ADAM12: variants seen among roughly 807,000 people sequenced by gnomAD.
ADAM12 encodes ADAM metallopeptidase domain 12, also known as disintegrin and metalloproteinase domain-containing protein 12.
In ADAM12, 70 loss-of-function variants were observed where a neutral mutation model predicts 106.4. The observed-to-expected ratio is 0.66, with a 90% CI of 0.54 to 0.80. The LOEUF (loss-of-function observed/expected upper bound fraction) is 0.80, where lower values mean the gene tolerates loss of function less well. Among genes scored for constraint, ADAM12 ranks in the 30% least tolerant of loss-of-function variants. ADAM12 has a pLI of 0.00. For missense variants in ADAM12, 1,010 were observed against 1,171.9 expected (o/e 0.86, Z 2.02); for synonymous variants, 420 against 433.5 (o/e 0.97, Z 0.39).
intron 3 of ADAM12, among the ~76,000 whole-genome samples, chr10:126,205,762 T>G (rs1438620204): frequency 6.6e-6 from 1 of 152,246 alleles, no homozygotes; most frequent in African/African-American, 2.4e-5. Flanking sequence ...TCATGACTCT[T>G]TAGTTCCAGA....
At chr10:126,311,722 A>T (rs1004033838) in intron 2 of ADAM12, among the ~76,000 whole-genome samples, 1 of 152,138 alleles carries the variant, frequency 6.6e-6, no homozygotes, top group African/African-American at 2.4e-5. Context: ...GAACACATCC[A>T]TGTGCCAGGA....
At chr10:126,384,542 G>A (rs1856594674) in intron 1 of ADAM12, among the ~76,000 whole-genome samples, 1 of 151,988 alleles carries the variant, frequency 6.6e-6, no homozygotes, top group South Asian at 2.1e-4. Flanking sequence ...AGTAACCCGT[G>A]AGTCACATTG....
intron 3 of ADAM12, among the ~76,000 whole-genome samples, chr10:126,177,014 G>C (rs1957230833): frequency 1.3e-5 from 2 of 150,828 alleles, no homozygotes; most frequent in Admixed American, 1.3e-4. Flanking sequence ...GCAGGAGTGT[G>C]CCAAAGTGTA....
At chr10:126,185,544 T>C (rs573191986) in intron 3 of ADAM12, among the ~76,000 whole-genome samples, 268 of 152,032 alleles carry the variant, frequency 1.8e-3, no homozygotes, top group African/African-American at 6.2e-3. Flanking sequence ...CCAATTGTGG[T>C]CTATTATATG....
chr10:126,322,856 T>C (rs894304386), intron 2 of ADAM12, among the ~76,000 whole-genome samples: 1 of 152,172 alleles, frequency 6.6e-6, no homozygotes, highest in Non-Finnish European at 1.5e-5. Context: ...CCAGACAAGA[T>C]ACAAGGGTGC....
intron 2 of ADAM12, among the ~76,000 whole-genome samples, chr10:126,282,725 G>A (rs559507226): frequency 2.0e-5 from 3 of 152,054 alleles, no homozygotes; most frequent in Non-Finnish European, 4.4e-5. Flanking sequence ...GGTGGACTTT[G>A]GCATTCTTTC....
intron 3 of ADAM12, among the ~76,000 whole-genome samples, chr10:126,228,243 G>C (rs994869167): frequency 2.6e-5 from 4 of 152,156 alleles, no homozygotes; most frequent in Admixed American, 2.6e-4. Flanking sequence ...GCCAACAAAC[G>C]ATTGGTATTA....
intron 2 of ADAM12, among the ~76,000 whole-genome samples, chr10:126,301,237 T>G (rs1021598333): frequency 1.3e-5 from 2 of 152,244 alleles, no homozygotes; most frequent in Non-Finnish European, 2.9e-5. Context: ...CTTGAATAGC[T>G]GCATTTAACC....
chr10:126,199,015 A>G (rs772698956), intron 3 of ADAM12, among the ~76,000 whole-genome samples: 1 of 152,114 alleles, frequency 6.6e-6, no homozygotes, highest in Non-Finnish European at 1.5e-5. Flanking sequence ...GATTCCAGAA[A>G]TTTCTTTCAG....
intron 3 of ADAM12, among the ~76,000 whole-genome samples, chr10:126,224,231 G>C (rs888632056): frequency 2.6e-5 from 4 of 152,172 alleles, no homozygotes; most frequent in Non-Finnish European, 5.9e-5. Flanking sequence ...TCCGGGGTTA[G>C]AGCCACCCTC....
At chr10:126,216,817 G>C (rs1371429092) in intron 3 of ADAM12, among the ~76,000 whole-genome samples, 1 of 152,206 alleles carries the variant, frequency 6.6e-6, no homozygotes, top group African/African-American at 2.4e-5. Context: ...ACATTGCCTT[G>C]GGGCCAAACA....
intron 3 of ADAM12, among the ~76,000 whole-genome samples, chr10:126,225,326 C>T (rs1045831506): frequency 3.9e-5 from 6 of 152,144 alleles, no homozygotes; most frequent in Non-Finnish European, 7.3e-5. Flanking sequence ...ATATGTCACA[C>T]ACTTGGGGAG....
Position 126,238,336 on chromosome 10 carries a change from C to T in ADAM12, c.260+40579G>A, listed in dbSNP as rs555480848. ...CTCTACTAAAAATACAAAAATTAGCCGGGCGTGGTGATGCACACCTGTTAT... is the reference window on the plus strand; with the variant it reads ...CTCTACTAAAAATACAAAAATTAGCTGGGCGTGGTGATGCACACCTGTTAT... On this transcript the variant is annotated intron_variant, in intron 3 of 22. Coordinates refer to ENST00000448723, the MANE Select transcript of ADAM12 (RefSeq NM_001288973.2). Among the ~76,000 whole-genome samples the T allele has an allele frequency of 6.0e-4, 91 of 152,154 alleles. 3 individuals are homozygous for T. In the South Asian group the frequency reaches 0.012, roughly 20 times the overall value.
At chr10:126,360,302 T>G (rs2133901858) in intron 1 of ADAM12, among the ~76,000 whole-genome samples, 1 of 152,346 alleles carries the variant, frequency 6.6e-6, no homozygotes, top group South Asian at 2.1e-4. Context: ...TGCAGCTGGC[T>G]TGAATTTCTC....
chr10:126,288,328 G>A lies in ADAM12; in HGVS notation c.187-9340C>T, dbSNP rs557321766. Among the ~76,000 whole-genome samples, 76 of 152,292 alleles carry A rather than the reference G, an allele frequency of 5.0e-4. 1 individual carries two copies. The South Asian group carries it at 5.6e-3, about 11-fold the overall frequency. On this transcript the variant is annotated intron_variant, in intron 2 of 22. Transcript: ENST00000448723. Reference sequence around the variant, plus strand: ...CATTTGTACTTGGGACTATACAAATGACCAATGAATGCATGTTCCCAGGCT... The same window carrying A: ...CATTTGTACTTGGGACTATACAAATAACCAATGAATGCATGTTCCCAGGCT...
rs1395967953 is a variant in ADAM12, at chr10:126,101,051, A to G, written c.911+21T>C. The G allele has an allele frequency of 1.9e-6, 3 of 1,604,998 alleles. No individual in the cohort carries two copies. The Admixed American group carries it at 5.2e-5, about 28-fold the overall frequency. On this transcript the variant is annotated intron_variant, in intron 9 of 22. Transcript: ENST00000448723. ...GAGAGCACTCCTTTTTTTTTTAAGCAGACAAGACGTAACTCCCTACCTGAC... is the reference window on the plus strand; with the variant it reads ...GAGAGCACTCCTTTTTTTTTTAAGCGGACAAGACGTAACTCCCTACCTGAC...
At chr10:126,097,348 A>T (rs1368845578) in intron 10 of ADAM12, among the ~76,000 whole-genome samples, 1 of 152,140 alleles carries the variant, frequency 6.6e-6, no homozygotes. Context: ...TCAAGCCAGA[A>T]ATCCAGTAAG....
intron 2 of ADAM12, among the ~76,000 whole-genome samples, chr10:126,312,581 C>T (rs972449872): frequency 6.6e-6 from 1 of 151,864 alleles, no homozygotes; most frequent in African/African-American, 2.4e-5. Context: ...AGGAGGCAGG[C>T]CTGTGGGGAG....
chr10:126,104,834 G>A (rs1244026953), intron 8 of ADAM12, among the ~76,000 whole-genome samples: 1 of 152,214 alleles, frequency 6.6e-6, no homozygotes, highest in Non-Finnish European at 1.5e-5. Context: ...CAGTTATTAA[G>A]TTAGAATGGT....
Sources: allele counts gnomAD v4.1 joint callset (sites outside exome capture counted in the v4.1 genomes callset), GRCh38; gene constraint gnomAD v4.1.1; transcripts MANE v1.5; gene names NCBI Gene and HGNC (gene_info 2026-07-23, HGNC 2026-07-21).